CDC14B: variants seen among roughly 807,000 people sequenced by gnomAD.
CDC14B encodes dual specificity protein phosphatase CDC14B.
Under a neutral mutation model 64.2 loss-of-function variants are expected in CDC14B, and 22 were observed. The ratio of observed to expected loss-of-function variants is 0.34; its 90% CI spans 0.24 to 0.49. The LOEUF is 0.49. CDC14B is among the 20% of genes least tolerant of loss of function. The pLI, the probability that CDC14B is intolerant of heterozygous loss-of-function variation, is 0.99. For missense variants in CDC14B, 498 were observed against 629.9 expected (o/e 0.79, Z 2.24); for synonymous variants, 191 against 215.8 (o/e 0.89, Z 1.01).
At chr9:96,523,207 T>A in intron 11 of CDC14B, 54 bp downstream of exon 11, 1 of 1,577,058 alleles carries the variant, frequency 6.3e-7, no homozygotes, top group East Asian at 2.2e-5. Context: ...CCCTGACAGG[T>A]TCTCAATAGC....
At chr9:96,591,327 C>G (rs1336940766) in intron 1 of CDC14B, among the ~76,000 whole-genome samples, 1 of 152,084 alleles carries the variant, frequency 6.6e-6, no homozygotes, top group Non-Finnish European at 1.5e-5. Flanking sequence ...AGGTGGACAT[C>G]CAGTTTTCCC....
Position 96,559,449 on chromosome 9 carries a change from C to T in CDC14B, c.420+3244G>A, listed in dbSNP as rs541383668. On this transcript the variant is annotated intron_variant, in intron 4 of 13. Coordinates refer to ENST00000375241, the MANE Select transcript of CDC14B (RefSeq NM_033331.4). Reference sequence around the variant, plus strand: ...ACTCCAGAAAACGTTATCAAGGATGCGGATCAGTTTATAGGGAACTAGCAC... The same window carrying T: ...ACTCCAGAAAACGTTATCAAGGATGTGGATCAGTTTATAGGGAACTAGCAC... Among the ~76,000 whole-genome samples the T allele has an allele frequency of 4.6e-4, 70 of 152,284 alleles. 1 individual carries two copies. The highest frequency in any genetic ancestry group is 1.7e-3 in the African/African-American group (70 of 41,556).
At chr9:96,530,353 C>T (rs1446498863) in intron 9 of CDC14B, among the ~76,000 whole-genome samples, 1 of 148,794 alleles carries the variant, frequency 6.7e-6, no homozygotes, top group African/African-American at 2.5e-5. Context: ...AGTGCAGTGG[C>T]GAGATCTCAG....
chr9:96,550,048 A>T (rs1365547210), intron 5 of CDC14B, among the ~76,000 whole-genome samples: 3 of 151,948 alleles, frequency 2.0e-5, no homozygotes, highest in African/African-American at 7.3e-5. Flanking sequence ...CATTATAAAG[A>T]AGAGTTCTAT....
chr9:96,544,744 G>A (rs1252120028), intron 5 of CDC14B, among the ~76,000 whole-genome samples: 1 of 152,124 alleles, frequency 6.6e-6, no homozygotes, highest in African/African-American at 2.4e-5. Flanking sequence ...CACTCTGCCT[G>A]CCTCAGCCTC....
intron 4 of CDC14B, among the ~76,000 whole-genome samples, chr9:96,552,470 T>C (rs570261369): frequency 2.0e-5 from 3 of 152,346 alleles, no homozygotes; most frequent in South Asian, 4.1e-4. Flanking sequence ...AGGTCTATAG[T>C]TGGTATTCCT....
At chr9:96,593,343 T>C (rs1845889297) in intron 1 of CDC14B, among the ~76,000 whole-genome samples, 1 of 151,970 alleles carries the variant, frequency 6.6e-6, no homozygotes, top group African/African-American at 2.4e-5. Flanking sequence ...AAAAATTAGC[T>C]GGGCGTAGTG....
At chr9:96,578,679 T>C (rs1406633980) in intron 1 of CDC14B, among the ~76,000 whole-genome samples, 2 of 152,180 alleles carry the variant, frequency 1.3e-5, no homozygotes, top group Non-Finnish European at 2.9e-5. Flanking sequence ...CTGAGAAACT[T>C]TCACAGACCT....
At chr9:96,618,324 G>C (rs979744419) in intron 1 of CDC14B, among the ~76,000 whole-genome samples, 2 of 152,176 alleles carry the variant, frequency 1.3e-5, no homozygotes, top group African/African-American at 4.8e-5. Flanking sequence ...CAAAATCGTG[G>C]ACAGCTCTGC....
At chr9:96,575,106 T>C (rs946666337) in intron 1 of CDC14B, among the ~76,000 whole-genome samples, 1 of 152,222 alleles carries the variant, frequency 6.6e-6, no homozygotes, top group African/African-American at 2.4e-5. Context: ...TTGCCGGTGC[T>C]ACATGTCCTC....
chr9:96,562,545 C>T, intron 4 of CDC14B, 148 bp downstream of exon 4: 2 of 645,580 alleles, frequency 3.1e-6, no homozygotes, highest in Non-Finnish European at 5.7e-6. Flanking sequence ...AGCACAGCTT[C>T]CTTGAATTGG....
chr9:96,570,065 T>C (rs1369483293), intron 1 of CDC14B, among the ~76,000 whole-genome samples: 1 of 152,134 alleles, frequency 6.6e-6, no homozygotes, highest in African/African-American at 2.4e-5. Context: ...TTGAGTAACA[T>C]GATATAGGAG....
intron 1 of CDC14B, among the ~76,000 whole-genome samples, chr9:96,600,428 AAT>A (rs969819269): frequency 3.3e-4 from 50 of 152,112 alleles, no homozygotes; most frequent in Admixed American, 3.1e-3. Flanking sequence ...TACCTACCAA[AAT>A]ATCAAGTGTA....
At chr9:96,583,179 G>T (rs1845257282) in intron 1 of CDC14B, among the ~76,000 whole-genome samples, 1 of 151,986 alleles carries the variant, frequency 6.6e-6, no homozygotes, top group African/African-American at 2.4e-5. Context: ...ATCCCTGTAA[G>T]AAATGGGCTC....
chr9:96,574,071 C>T (rs368895472), intron 1 of CDC14B, among the ~76,000 whole-genome samples: 8 of 151,564 alleles, frequency 5.3e-5, no homozygotes, highest in Middle Eastern at 3.4e-3. Flanking sequence ...GGTGTGAACC[C>T]GGGAGGCGGA....
chr9:96,607,761 G>C (rs1045823435), intron 1 of CDC14B, among the ~76,000 whole-genome samples: 1 of 152,124 alleles, frequency 6.6e-6, no homozygotes, highest in East Asian at 1.9e-4. Context: ...CAGAATACAC[G>C]AGCAATGTGG....
chr9:96,583,961 G>A (rs986675254), intron 1 of CDC14B, among the ~76,000 whole-genome samples: 1 of 152,094 alleles, frequency 6.6e-6, no homozygotes, highest in East Asian at 1.9e-4. Flanking sequence ...CTCGTGATCC[G>A]CCTGCCTCGG....
intron 1 of CDC14B, among the ~76,000 whole-genome samples, chr9:96,615,611 G>A (rs556054650): frequency 1.3e-5 from 2 of 152,342 alleles, no homozygotes; most frequent in East Asian, 3.9e-4. Flanking sequence ...ATTAAGTGCT[G>A]GCAAGGATGT....
intron 12 of CDC14B, among the ~76,000 whole-genome samples, chr9:96,518,986 T>C (rs1347359586): frequency 6.6e-6 from 1 of 150,570 alleles, no homozygotes; most frequent in African/African-American, 2.4e-5. Context: ...AATACAAAAA[T>C]TTAGCCGGGC....
Sources: allele counts gnomAD v4.1 joint callset (sites outside exome capture counted in the v4.1 genomes callset), GRCh38; gene constraint gnomAD v4.1.1; transcripts MANE v1.5; gene names NCBI Gene and HGNC (gene_info 2026-07-23, HGNC 2026-07-21).